Variants in DHRS7C observed in about 807,000 individuals in gnomAD.
DHRS7C encodes the protein dehydrogenase/reductase SDR family member 7C.
Under a neutral mutation model 29.6 loss-of-function variants are expected in DHRS7C, and 28 were observed. That is an observed-to-expected ratio of 0.95 (90% confidence interval 0.70 to 1.30). The LOEUF (loss-of-function observed/expected upper bound fraction) is 1.30, where lower values mean the gene tolerates loss of function less well. Ranked by LOEUF, DHRS7C falls within the 50% of genes most tolerant of loss-of-function variation. DHRS7C has a pLI of 0.00. For missense variants in DHRS7C, 403 were observed against 393.3 expected (o/e 1.02, Z -0.21); for synonymous variants, 158 against 160.2 (o/e 0.99, Z 0.10).
At chr17:9,788,161 C>G (rs7210365) in intron 1 of DHRS7C, among the ~76,000 whole-genome samples, 19,983 of 152,216 alleles carry the variant, frequency 0.13, 1,676 homozygotes, top group Non-Finnish European at 0.2. Context: ...AGCAGCTCAA[C>G]TGCAGGGGTT....
At chr17:9,782,387 T>G (rs924901299) in intron 1 of DHRS7C, among the ~76,000 whole-genome samples, 1 of 152,174 alleles carries the variant, frequency 6.6e-6, no homozygotes, top group African/African-American at 2.4e-5. Context: ...AGACAGCCTA[T>G]CGGGGAGTGA....
chr17:9,791,076 T>C, intron 1 of DHRS7C, 55 bp downstream of exon 1: 1 of 1,554,616 alleles, frequency 6.4e-7, no homozygotes, highest in African/African-American at 1.4e-5. Context: ...CACCCTGCCA[T>C]CCTGCCAGTC....
chr17:9,786,896 C>G (rs183709690), intron 1 of DHRS7C, among the ~76,000 whole-genome samples: 1 of 152,086 alleles, frequency 6.6e-6, no homozygotes, highest in Non-Finnish European at 1.5e-5. Flanking sequence ...GAAAGGGACA[C>G]GTTGAGGGTG....
intron 1 of DHRS7C, among the ~76,000 whole-genome samples, chr17:9,782,664 A>G (rs1052008089): frequency 6.6e-6 from 1 of 152,228 alleles, no homozygotes; most frequent in Non-Finnish European, 1.5e-5. Flanking sequence ...TGCAATCTGC[A>G]TGCCATTTGC....
At position 9,777,309 on chromosome 17, in the gene DHRS7C, C is replaced by T. The variant is rs1243532180; in HGVS notation, c.479-24G>A. On this transcript the variant is annotated intron_variant, in intron 3 of 5. Coordinates refer to ENST00000571134, the MANE Select transcript of DHRS7C (RefSeq NM_001105571.3). ...GGCTGGAAAACACAGGACGATGCAT[C>T]ATGGTTAAAACTTTGAGACTGAGTT... 15 of 1,604,216 alleles carry T rather than the reference C, an allele frequency of 9.4e-6. No individual in the cohort carries two copies. The South Asian group carries it at 1.4e-4, about 15-fold the overall frequency.
In DHRS7C at chr17:9,772,931, C is replaced by G; in HGVS notation, c.572-9G>C. 2.5e-6 allele frequency: 4 copies of G among 1,613,110 alleles called. No individual in the cohort carries two copies. The highest frequency in any genetic ancestry group is 2.5e-6 in the Non-Finnish European group (3 of 1,179,764). On this transcript the variant is annotated splice_polypyrimidine_tract_variant and intron_variant, in intron 4 of 5. Transcript: ENST00000571134. Reference sequence around the variant, plus strand: ...GTGCTTGGAGGCAGCGTCTGCGAGACAAACCATCCGGAGGTGGGCGCAGGA... The same window carrying G: ...GTGCTTGGAGGCAGCGTCTGCGAGAGAAACCATCCGGAGGTGGGCGCAGGA...
chr17:9,777,406 T>C lies in DHRS7C; in HGVS notation c.479-121A>G, dbSNP rs75219196. On this transcript the variant is annotated intron_variant, in intron 3 of 5. Transcript: ENST00000571134. ...CTCCGCTACCTCCGCGGTAACTAGA[T>C]TGCAGCAGGGCAGAGGTGGAATGAG... The C allele has an allele frequency of 2.5e-4, 165 of 667,170 alleles. 1 individual carries two copies. The East Asian group carries it at 4.0e-3, about 16-fold the overall frequency. The allele number at this position is 667,170 out of a possible 1,614,324, so 41.3% of individuals were successfully genotyped here.
rs1159726200 is a variant in DHRS7C at position 9,777,223 on chromosome 17, C to T, written c.541G>A (p.Gly181Arg). 6 of 1,613,696 alleles carry T rather than the reference C, an allele frequency of 3.7e-6. No individual in the cohort carries two copies. The highest frequency in any genetic ancestry group is 4.2e-6 in the Non-Finnish European group (5 of 1,179,826). Residue 181 changes from glycine to arginine, a missense_variant, in exon 4 of 6, where the codon GGG becomes AGG. Transcript: ENST00000571134. ...GTACGGAACGGGATTCCAAACTTCC[C>T]TTGGATATTATTCACTAACACGATT... ...GQIVLVNNIQ[G>R]KFGIPFRTTY...
chr17:9,786,282 G>A lies in DHRS7C; in HGVS notation c.155-4688C>T, dbSNP rs577593740. Among the ~76,000 whole-genome samples the A allele has an allele frequency of 3.3e-5, 5 of 151,232 alleles. No homozygotes were observed. The South Asian group carries it at 8.4e-4, about 25-fold the overall frequency. On this transcript the variant is annotated intron_variant, in intron 1 of 5. Coordinates refer to ENST00000571134, the MANE Select transcript of DHRS7C (RefSeq NM_001105571.3). ...GCTGAGGTTGCAGTGAGCTGAGATCGTGCCACTGCACTCCAGCTTGGGCAA... is the reference window on the plus strand; with the variant it reads ...GCTGAGGTTGCAGTGAGCTGAGATCATGCCACTGCACTCCAGCTTGGGCAA...
rs771067687 is a variant in DHRS7C at position 9,771,613 on chromosome 17, C to A, written c.811G>T (p.Glu271Ter). 1 of 1,601,890 alleles carries A rather than the reference C, an allele frequency of 6.2e-7. No homozygotes were observed. The highest frequency in any genetic ancestry group is 8.5e-7 in the Non-Finnish European group (1 of 1,173,594). ...GGGATGGGGTTGGCCATAAACACCT[C>A]TTGCTTCTTCCTCCGCACGGTGCGC... ...VMRTVRRKKQ[E>*]VFMANPIPKA... The change falls in exon 6 of 6, where the codon GAG becomes TAG. Residue 271 changes from glutamate (E) to a stop codon, truncating the protein, a stop_gained. Transcript: ENST00000571134. LOFTEE classifies it high-confidence loss of function.
chr17:9,773,403 C>G lies in DHRS7C; in HGVS notation c.572-481G>C, dbSNP rs1005864732. Among the ~76,000 whole-genome samples, 4 of 152,182 alleles carry G rather than the reference C, an allele frequency of 2.6e-5. No individual in the cohort carries two copies. The South Asian group carries it at 8.3e-4, about 32-fold the overall frequency. ...TCTCCCTTCCTGTTTCCCTTTTCCT[C>G]GGAGAGCCCGTCCAGGTAATCCACT... On this transcript the variant is annotated intron_variant, in intron 4 of 5. Transcript: ENST00000571134.
At chr17:9,776,369 A>G (rs912382243) in intron 4 of DHRS7C, among the ~76,000 whole-genome samples, 2 of 152,178 alleles carry the variant, frequency 1.3e-5, no homozygotes, top group Non-Finnish European at 2.9e-5. Flanking sequence ...TTGATCATGG[A>G]CTTCCAGCCT....
Position 9,774,514 on chromosome 17 carries a change from C to A in DHRS7C, c.572-1592G>T, listed in dbSNP as rs1169691307. Among the ~76,000 whole-genome samples, 1 of 152,150 alleles carries A rather than the reference C, an allele frequency of 6.6e-6. No individual in the cohort carries two copies. The highest frequency in any genetic ancestry group is 1.5e-5 in the Non-Finnish European group (1 of 68,026). On this transcript the variant is annotated intron_variant, in intron 4 of 5. Coordinates refer to ENST00000571134, the MANE Select transcript of DHRS7C (RefSeq NM_001105571.3). This position sits in a 1 kb window ranked among gnomAD's most constrained non-coding sequence, Gnocchi z 5.0. ...GGCCAGGCTGGTCTCAAACTCCTGA[C>A]CTCAAGTGATCTACCCGCCTTGGCC...
rs1231398641 is a variant in DHRS7C at position 9,775,019 on chromosome 17, G to A, written c.572-2097C>T. On this transcript the variant is annotated intron_variant, in intron 4 of 5. Coordinates refer to ENST00000571134, the MANE Select transcript of DHRS7C (RefSeq NM_001105571.3). The surrounding 1 kb of genome is among the most constrained non-coding windows in gnomAD (Gnocchi z 4.2). ...GTCCCCAATACTGTGTTTTGCAAAT[G>A]TTCCCAGGAAACTCGTGCATTTGTC... Among the ~76,000 whole-genome samples, 1 of 152,190 alleles carries A rather than the reference G, an allele frequency of 6.6e-6. No individual in the cohort carries two copies. Among genetic ancestry groups the A allele is most frequent in the Non-Finnish European group, 1.5e-5 (1 of 68,028 alleles).
chr17:9,788,170 T>C (rs890270892), intron 1 of DHRS7C, among the ~76,000 whole-genome samples: 1 of 152,142 alleles, frequency 6.6e-6, no homozygotes, highest in African/African-American at 2.4e-5. Flanking sequence ...ACTGCAGGGG[T>C]TGGCTATTCC....
chr17:9,777,107 T>A, intron 4 of DHRS7C, 86 bp downstream of exon 4: 5 of 1,131,898 alleles, frequency 4.4e-6, no homozygotes, highest in Non-Finnish European at 6.2e-6. Flanking sequence ...CCTGTGACCA[T>A]CTGCCTAGTC....
At chr17:9,791,072 G>A (rs1480250164) in intron 1 of DHRS7C, 59 bp downstream of exon 1, 20 of 1,547,682 alleles carry the variant, frequency 1.3e-5, no homozygotes, top group Non-Finnish European at 1.8e-5. Context: ...CTGCCACCCT[G>A]CCATCCTGCC....
Position 9,791,405 on chromosome 17 carries a change from G to A in DHRS7C, c.-121C>T. 9.0e-7 allele frequency: 1 copy of A among 1,107,698 alleles called. No homozygotes were observed. Among genetic ancestry groups the A allele is most frequent in the Admixed American group, 2.8e-5 (1 of 36,172 alleles). The allele number at this position is 1,107,698 out of a possible 1,614,324, so 68.6% of individuals were successfully genotyped here. A position where few individuals can be genotyped will look rare whatever the true frequency, so the allele number is the denominator to read the frequency against. ...AGCTCAGCTCTGTGCAAGCCTCCAA[G>A]CTGAACACCCAGTGGGCGTGCTAAT... On this transcript the variant is annotated 5_prime_UTR_variant, in exon 1 of 6. Transcript: ENST00000571134.
chr17:9,783,189 G>A (rs956083692), intron 1 of DHRS7C, among the ~76,000 whole-genome samples: 11 of 152,142 alleles, frequency 7.2e-5, no homozygotes, highest in African/African-American at 2.4e-4. Flanking sequence ...CTGGGAGGAG[G>A]GCTCTAGGAG....
Sources: allele counts gnomAD v4.1 joint callset (sites outside exome capture counted in the v4.1 genomes callset), GRCh38; gene constraint gnomAD v4.1.1; non-coding constraint Gnocchi (gnomAD v3.1); transcripts MANE v1.5; gene names NCBI Gene and HGNC (gene_info 2026-07-23, HGNC 2026-07-21).